ZSWIM5: variants seen among roughly 807,000 people sequenced by gnomAD.
ZSWIM5 encodes zinc finger SWIM domain-containing protein 5.
In ZSWIM5, 55 loss-of-function variants were observed where a neutral mutation model predicts 119.6. The observed-to-expected ratio is 0.46, with a 90% CI of 0.37 to 0.58. The LOEUF (loss-of-function observed/expected upper bound fraction) is 0.58, where lower values mean the gene tolerates loss of function less well. Ranked by LOEUF, ZSWIM5 falls within the 20% of genes least tolerant of loss-of-function variation. The pLI, the probability that ZSWIM5 is intolerant of heterozygous loss-of-function variation, is 0.00. For synonymous variants in ZSWIM5, 537 were observed against 606.9 expected (o/e 0.88, Z 1.69); for missense variants, 1,193 against 1,512.8 (o/e 0.79, Z 3.51).
rs1404451972 is a variant in ZSWIM5, at chr1:45,206,498, TG to T, written c.-149del. ...GAACCCGCGAGCCAGCCGGCCCGAG[TG>T]GGGAACCGCGGCCGGGCCCGGGAGC... On this transcript the variant is annotated 5_prime_UTR_variant, in exon 1 of 14. Coordinates refer to ENST00000359600, the MANE Select transcript of ZSWIM5 (RefSeq NM_020883.2). 1 of 1,137,148 alleles carries T rather than the reference TG, an allele frequency of 8.8e-7. No individual in the cohort carries two copies. The highest frequency in any genetic ancestry group is 1.6e-5 in the African/African-American group (1 of 60,768). 70.4% of individuals were successfully genotyped at this position (1,137,148 alleles called of 1,614,324 possible). A position where few individuals can be genotyped will look rare whatever the true frequency, so the allele number is the denominator to read the frequency against.
chr1:45,084,385 G>T (rs1645312439), intron 2 of ZSWIM5, among the ~76,000 whole-genome samples: 5 of 151,992 alleles, frequency 3.3e-5, no homozygotes, highest in Non-Finnish European at 5.9e-5. Flanking sequence ...ATATCATTCT[G>T]CCCCTGGCCC....
intron 1 of ZSWIM5, among the ~76,000 whole-genome samples, chr1:45,106,213 G>A (rs1353208301): frequency 2.0e-5 from 3 of 148,172 alleles, no homozygotes; most frequent in African/African-American, 7.5e-5. Context: ...TCTGGGAGGT[G>A]AGGGGCGTCT....
At chr1:45,166,210 T>C (rs574050564) in intron 1 of ZSWIM5, among the ~76,000 whole-genome samples, 22 of 151,696 alleles carry the variant, frequency 1.5e-4, no homozygotes, top group South Asian at 8.4e-4. Context: ...GAACCAAAGA[T>C]AAAAACCACA....
chr1:45,148,566 T>A (rs1645777101), intron 1 of ZSWIM5, among the ~76,000 whole-genome samples: 1 of 152,156 alleles, frequency 6.6e-6, no homozygotes, highest in South Asian at 2.1e-4. Context: ...CTCTTAATAG[T>A]GAATAGAATT....
chr1:45,026,220 C>T (rs973327680), intron 11 of ZSWIM5, among the ~76,000 whole-genome samples: 15 of 151,810 alleles, frequency 9.9e-5, no homozygotes, highest in Non-Finnish European at 1.6e-4. Context: ...TTTTTAGTAG[C>T]GATGAGGTCT....
Position 45,206,451 on chromosome 1 carries a change from C to G in ZSWIM5, c.-101G>C. 4.9e-6 allele frequency: 6 copies of G among 1,221,438 alleles called. No homozygotes were observed. Among genetic ancestry groups the G allele is most frequent in the Non-Finnish European group, 6.1e-6 (6 of 981,796 alleles). 75.7% of individuals were successfully genotyped at this position (1,221,438 alleles called of 1,614,324 possible). A position where few individuals can be genotyped will look rare whatever the true frequency, so the allele number is the denominator to read the frequency against. ...GCCCCGCGCAAGCGCCCAGCGGTGG[C>G]GCCGAGGGGGGCGGGGCGAGAGAAC... On this transcript the variant is annotated 5_prime_UTR_variant, in exon 1 of 14. Coordinates refer to ENST00000359600, the MANE Select transcript of ZSWIM5 (RefSeq NM_020883.2).
chr1:45,101,075 A>G (rs568586117), intron 1 of ZSWIM5, among the ~76,000 whole-genome samples: 21 of 152,324 alleles, frequency 1.4e-4, no homozygotes, highest in African/African-American at 4.8e-4. Context: ...GCTTCTGCAC[A>G]GCAAAAGAAA....
At chr1:45,094,874 AC>A (rs1645390853) in intron 1 of ZSWIM5, among the ~76,000 whole-genome samples, 4 of 151,850 alleles carry the variant, frequency 2.6e-5, no homozygotes, top group Admixed American at 2.6e-4. Flanking sequence ...AAAAAAAAAA[AC>A]AAAAGACAGA....
Position 45,190,926 on chromosome 1 carries a change from A to ATTTTTTT in ZSWIM5, c.595+14829_595+14830insAAAAAAA, listed in dbSNP as rs1557794312. Reference sequence around the variant, plus strand: ...TTCCATGTTCGACTGAAATAGCTGGAATTTTTTTTTTTTTTTTTTTTTTTT... The same window carrying ATTTTTTT: ...TTCCATGTTCGACTGAAATAGCTGGATTTTTTTATTTTTTTTTTTTTTTTTTTTTTTT... On this transcript the variant is annotated intron_variant, in intron 1 of 13. Coordinates refer to ENST00000359600, the MANE Select transcript of ZSWIM5 (RefSeq NM_020883.2). Among the ~76,000 whole-genome samples, 9 of 72,244 alleles carry ATTTTTTT rather than the reference A, an allele frequency of 1.2e-4. 1 individual carries two copies. The highest frequency in any genetic ancestry group is 4.6e-4 in the African/African-American group (8 of 17,450). The allele number at this position is 72,244 out of a possible 152,430, so 47.4% of individuals were successfully genotyped here.
At chr1:45,082,035 C>T (rs966509980) in intron 2 of ZSWIM5, among the ~76,000 whole-genome samples, 1 of 152,088 alleles carries the variant, frequency 6.6e-6, no homozygotes, top group African/African-American at 2.4e-5. Flanking sequence ...TATCCCCAAC[C>T]CTGTGCTCTC....
At chr1:45,149,421 A>G (rs907491141) in intron 1 of ZSWIM5, among the ~76,000 whole-genome samples, 2 of 152,224 alleles carry the variant, frequency 1.3e-5, no homozygotes, top group African/African-American at 4.8e-5. Context: ...TCTTTATGGA[A>G]TGATTATGCT....
intron 6 of ZSWIM5, among the ~76,000 whole-genome samples, 185 bp from the exon 7 acceptor site, chr1:45,040,723 G>C (rs1483066868): frequency 6.6e-6 from 1 of 152,168 alleles, no homozygotes; most frequent in Non-Finnish European, 1.5e-5. Context: ...GTGATATCTT[G>C]AAAGAGCTAC....
intron 5 of ZSWIM5, among the ~76,000 whole-genome samples, chr1:45,044,822 A>AATATATATATATAAATATATATATAAAT (rs1557746671): frequency 0.025 from 35 of 1,376 alleles, 1 homozygote; most frequent in East Asian, 0.04. Flanking sequence ...TATATATATA[A>AATATATATATATAAATATATATATAAAT]ATATATATAT....
chr1:45,186,231 T>C (rs923803130), intron 1 of ZSWIM5, among the ~76,000 whole-genome samples: 5 of 130,220 alleles, frequency 3.8e-5, no homozygotes, highest in African/African-American at 1.5e-4. Flanking sequence ...AAGGGGAACA[T>C]CACACTCTGG....
rs185779577 is a variant in ZSWIM5 at position 45,078,092 on chromosome 1, C to A, written c.952+9789G>T. 9.2e-5 allele frequency among the ~76,000 whole-genome samples: 14 copies of A among 152,282 alleles called. No homozygotes were observed. In the East Asian group the frequency reaches 2.5e-3, roughly 27 times the overall value. On this transcript the variant is annotated intron_variant, in intron 2 of 13. Coordinates refer to ENST00000359600, the MANE Select transcript of ZSWIM5 (RefSeq NM_020883.2). ...ATTAAGAGATTAAAGCAAAGACAGG[C>A]ATAGGAAAGCACAAGGGTATTGATT...
intron 1 of ZSWIM5, among the ~76,000 whole-genome samples, chr1:45,116,111 G>A (rs949154352): frequency 1.3e-5 from 2 of 151,996 alleles, no homozygotes; most frequent in Admixed American, 6.6e-5. Context: ...GAGGGACAGC[G>A]AGACAGAGAG....
In ZSWIM5 at chr1:45,060,140, A is replaced by T; in HGVS notation, c.1060T>A (p.Tyr354Asn). 1 of 1,614,206 alleles carries T rather than the reference A, an allele frequency of 6.2e-7. No individual in the cohort carries two copies. Among genetic ancestry groups the T allele is most frequent in the Non-Finnish European group, 8.5e-7 (1 of 1,180,024 alleles). ...TTGAGTTGCTTTCCAGAGCCACAGT[A>T]ACCGCCCTGGGAGAGAAAAAGCTTC... ...QVKLFLSQGG[Y>N]CGSGKQLNSM... Residue 354 changes from tyrosine (Y) to asparagine (N), a missense_variant, in exon 3 of 14, where the codon TAC becomes AAC. By Grantham distance (143) the Tyr-to-Asn change is moderately radical. Transcript: ENST00000359600.
chr1:45,104,103 T>C (rs1468044061), intron 1 of ZSWIM5, among the ~76,000 whole-genome samples: 1 of 152,224 alleles, frequency 6.6e-6, no homozygotes, highest in Non-Finnish European at 1.5e-5. Context: ...TGAAACTGCA[T>C]AGTATAAATT....
At chr1:45,048,742 A>C (rs1645071853) in intron 5 of ZSWIM5, among the ~76,000 whole-genome samples, 1 of 152,144 alleles carries the variant, frequency 6.6e-6, no homozygotes, top group South Asian at 2.1e-4. Flanking sequence ...ATGGTAGAGG[A>C]TGAGACTACT....
Sources: gnomAD v4.1 joint callset for allele counts (sites outside exome capture counted in the v4.1 genomes callset) on GRCh38, gnomAD v4.1.1 for gene constraint, MANE v1.5 for transcripts, NCBI Gene and HGNC (gene_info 2026-07-23, HGNC 2026-07-21) for gene names.